Variants in VRK1 observed in about 807,000 individuals in gnomAD.
The protein encoded by VRK1 is serine/threonine-protein kinase VRK1.
A neutral mutation model predicts 57.1 loss-of-function variants in VRK1; 33 were observed. That is an observed-to-expected ratio of 0.58 (90% CI 0.44 to 0.77). The LOEUF (loss-of-function observed/expected upper bound fraction) is 0.77. VRK1 is among the 30% of genes least tolerant of loss of function. The pLI, the probability that VRK1 is intolerant of heterozygous loss-of-function variation, is 0.00. For synonymous variants in VRK1, 137 were observed against 147.8 expected (o/e 0.93, Z 0.53); for missense variants, 413 against 477.3 (o/e 0.87, Z 1.25).
intron 1 of VRK1, among the ~76,000 whole-genome samples, chr14:96,816,629 C>G (rs184539969): frequency 7.2e-4 from 110 of 152,204 alleles, no homozygotes; most frequent in Middle Eastern, 6.8e-3. Context: ...TATTGGTGGT[C>G]TTGGCTGAAG....
chr14:96,855,449 A>G (rs1888118058), intron 8 of VRK1, 93 bp downstream of exon 8: 8 of 1,589,602 alleles, frequency 5.0e-6, no homozygotes, highest in South Asian at 2.2e-5. Context: ...AAATGAATAG[A>G]TAAATAAAAA....
intron 12 of VRK1, among the ~76,000 whole-genome samples, chr14:96,877,872 T>C (rs1889106905): frequency 6.6e-6 from 1 of 152,320 alleles, no homozygotes; most frequent in East Asian, 1.9e-4. Context: ...TTTTTTAACC[T>C]AAGTTTTTAG....
intron 3 of VRK1, 117 bp from the exon 4 acceptor site, chr14:96,845,978 A>T: frequency 1.1e-6 from 1 of 908,104 alleles, no homozygotes; most frequent in Non-Finnish European, 1.8e-6. Context: ...TTATAAACTT[A>T]AGTATCAAAA....
chr14:96,844,972 A>G (rs970982458), intron 3 of VRK1, among the ~76,000 whole-genome samples: 2 of 152,214 alleles, frequency 1.3e-5, no homozygotes, highest in Non-Finnish European at 2.9e-5. Context: ...AAAGGTGAAC[A>G]TATTTTAAGT....
chr14:96,881,037 T>C, intron 12 of VRK1, 140 bp from the exon 13 acceptor site: 1 of 733,684 alleles, frequency 1.4e-6, no homozygotes. Context: ...CCTTTGTATG[T>C]CAGTTTTATC....
intron 1 of VRK1, among the ~76,000 whole-genome samples, chr14:96,815,252 T>C (rs1886348256): frequency 6.6e-6 from 1 of 152,248 alleles, no homozygotes; most frequent in Non-Finnish European, 1.5e-5. Context: ...CTATTTGTTA[T>C]TGATTTCCAG....
At position 96,871,550 on chromosome 14, in the gene VRK1, C is replaced by T. The variant is rs1261182829; in HGVS notation, c.1069-4480C>T. On this transcript the variant is annotated intron_variant, in intron 11 of 12. Coordinates refer to ENST00000216639, the MANE Select transcript of VRK1 (RefSeq NM_003384.3). ...AAAACAAATAGTTGCAGAAATTAAA[C>T]GTGTGTGTATTTAATGTTTTTATAA... Among the ~76,000 whole-genome samples the T allele has an allele frequency of 3.3e-5, 5 of 152,260 alleles. No homozygotes were observed. In the East Asian group the frequency reaches 5.8e-4, roughly 18 times the overall value.
intron 10 of VRK1, among the ~76,000 whole-genome samples, chr14:96,858,149 A>G (rs1237512102): frequency 1.3e-5 from 2 of 152,040 alleles, no homozygotes; most frequent in African/African-American, 4.8e-5. Flanking sequence ...AGCTCACTGC[A>G]GCCTTGACCT....
At chr14:96,854,863 A>G (rs1289182956) in intron 7 of VRK1, among the ~76,000 whole-genome samples, 2 of 152,146 alleles carry the variant, frequency 1.3e-5, no homozygotes, top group Non-Finnish European at 2.9e-5. Context: ...ACAAGTATTG[A>G]CGGTTTGCTC....
chr14:96,855,720 TGTTAA>T (rs1595676854), intron 8 of VRK1, among the ~76,000 whole-genome samples: 2 of 152,198 alleles, frequency 1.3e-5, no homozygotes, highest in African/African-American at 4.8e-5. Context: ...TTTTGTTACC[TGTTAA>T]GTTAGTTTAT....
intron 1 of VRK1, among the ~76,000 whole-genome samples, chr14:96,800,683 A>G (rs1885623127): frequency 6.6e-6 from 1 of 152,250 alleles, no homozygotes; most frequent in South Asian, 2.1e-4. Context: ...AGTTACTCCT[A>G]TCTCTCTATG....
At chr14:96,858,693 G>A (rs150313585) in intron 10 of VRK1, among the ~76,000 whole-genome samples, 4 of 152,254 alleles carry the variant, frequency 2.6e-5, no homozygotes, top group East Asian at 1.9e-4. Flanking sequence ...AAGTGTGGAT[G>A]TGTGGATCTG....
chr14:96,865,328 G>A (rs144271393), intron 11 of VRK1, among the ~76,000 whole-genome samples: 1 of 152,192 alleles, frequency 6.6e-6, no homozygotes, highest in East Asian at 1.9e-4. Flanking sequence ...TTACAGCATT[G>A]CAGTGGTAAC....
chr14:96,805,246 T>G (rs1468896056), intron 1 of VRK1, among the ~76,000 whole-genome samples: 2 of 152,190 alleles, frequency 1.3e-5, no homozygotes, highest in Non-Finnish European at 2.9e-5. Flanking sequence ...AACAAATGGC[T>G]CAAATTGCAG....
chr14:96,880,299 A>C (rs1333375875), intron 12 of VRK1, among the ~76,000 whole-genome samples: 1 of 152,226 alleles, frequency 6.6e-6, no homozygotes, highest in Non-Finnish European at 1.5e-5. Flanking sequence ...TTCAGAAAAG[A>C]AGTATTGATC....
chr14:96,798,600 C>T (rs1885535893), intron 1 of VRK1, among the ~76,000 whole-genome samples: 1 of 151,778 alleles, frequency 6.6e-6, no homozygotes, highest in Non-Finnish European at 1.5e-5. Context: ...ACTGGAATTG[C>T]CCATCTGTTG....
At chr14:96,834,187 T>C (rs1318477990) in intron 2 of VRK1, among the ~76,000 whole-genome samples, 1 of 152,188 alleles carries the variant, frequency 6.6e-6, no homozygotes, top group Non-Finnish European at 1.5e-5. Context: ...TTAACTAAAT[T>C]ATGGACTTAA....
intron 1 of VRK1, among the ~76,000 whole-genome samples, chr14:96,806,956 A>G (rs1885905128): frequency 6.6e-6 from 1 of 152,078 alleles, no homozygotes; most frequent in African/African-American, 2.4e-5. Context: ...AGCTGGAATG[A>G]CAAGCCACCA....
intron 1 of VRK1, among the ~76,000 whole-genome samples, chr14:96,831,234 C>A (rs1471174495): frequency 6.6e-6 from 1 of 152,204 alleles, no homozygotes; most frequent in Admixed American, 6.5e-5. Flanking sequence ...TCTGTCTTCA[C>A]CTGCTCAAAT....
Sources: gnomAD v4.1 joint callset for allele counts (sites outside exome capture counted in the v4.1 genomes callset) on GRCh38, gnomAD v4.1.1 for gene constraint, MANE v1.5 for transcripts, NCBI Gene and HGNC (gene_info 2026-07-23, HGNC 2026-07-21) for gene names.